Variants in DOCK11 observed in about 807,000 individuals in gnomAD.
DOCK11 encodes dedicator of cytokinesis 11.
A neutral mutation model predicts 169.1 loss-of-function variants in DOCK11; 70 were observed. The observed-to-expected ratio is 0.41, with a 90% confidence interval of 0.34 to 0.51. DOCK11 has a LOEUF of 0.51. Among genes scored for constraint, DOCK11 ranks in the 20% least tolerant of loss-of-function variants. The pLI is 0.10. For missense variants in DOCK11, 1,166 were observed against 1,538.8 expected (o/e 0.76, Z 4.05); for synonymous variants, 529 against 541.3 (o/e 0.98, Z 0.32).
chrX:118,497,685 T>C (rs930956308), intron 1 of DOCK11, among the ~76,000 whole-genome samples: 2 of 111,893 alleles, frequency 1.8e-5, no homozygotes, highest in African/African-American at 6.5e-5. Flanking sequence ...TGGGTGATTG[T>C]TAACACGTGA....
At chrX:118,524,488 C>T (rs1190172647) in intron 1 of DOCK11, among the ~76,000 whole-genome samples, 1 of 111,467 alleles carries the variant, frequency 9.0e-6, no homozygotes, top group Non-Finnish European at 1.9e-5. Context: ...AAGCATATAT[C>T]TGATAAGAGA....
intron 3 of DOCK11, 131 bp from the exon 4 acceptor site, chrX:118,543,380 A>T: frequency 2.0e-6 from 1 of 488,081 alleles, no homozygotes. Flanking sequence ...TTAACCCATA[A>T]AGGAAGATCC....
chrX:118,608,211 TTTTG>T lies in DOCK11; in HGVS notation c.2752-12_2752-9del. On this transcript the variant is annotated splice_polypyrimidine_tract_variant and intron_variant, in intron 25 of 52. Transcript: ENST00000276202. ...CAATTTTGTCTTACAGTTCATTTTT[TTTTG>T]TTTGTTTATTTGTAGTATAGCTTCC... 3.4e-6 allele frequency: 4 copies of T among 1,192,176 alleles called. No homozygotes were observed. The highest frequency in any genetic ancestry group is 4.5e-6 in the Non-Finnish European group (4 of 888,093).
intron 10 of DOCK11, 41 bp downstream of exon 10, chrX:118,568,203 CT>C (rs1468278093): frequency 1.2e-6 from 1 of 822,520 alleles, no homozygotes; most frequent in Non-Finnish European, 1.7e-6. Context: ...AGAATTATTG[CT>C]TATTCAGATA....
rs750379762 is a variant in DOCK11, at chrX:118,538,753, A to G, written c.103-3972A>G. 1.4e-4 allele frequency: 78 copies of G among 544,778 alleles called. No individual in the cohort carries two copies. The Admixed American group carries it at 4.5e-3, about 31-fold the overall frequency. 44.9% of individuals were successfully genotyped at this position (544,778 alleles called of 1,213,427 possible). On this transcript the variant is annotated intron_variant, in intron 1 of 52. Coordinates refer to ENST00000276202, the MANE Select transcript of DOCK11 (RefSeq NM_144658.4). Reference sequence around the variant, plus strand: ...TATGAAAAAGCACCTTTGCAGGCCAATCAGTGCACACTGGCAGAAAGGATA... The same window carrying G: ...TATGAAAAAGCACCTTTGCAGGCCAGTCAGTGCACACTGGCAGAAAGGATA...
At chrX:118,498,172 G>A (rs148947843) in intron 1 of DOCK11, among the ~76,000 whole-genome samples, 5,543 of 112,240 alleles carry the variant, frequency 0.049, 138 homozygotes, top group Non-Finnish European at 0.072. Context: ...TTGGGAGTGA[G>A]GGAGAACAGA....
intron 1 of DOCK11, among the ~76,000 whole-genome samples, chrX:118,525,208 C>T (rs2011346791): frequency 9.0e-6 from 1 of 110,843 alleles, no homozygotes; most frequent in Admixed American, 9.7e-5. Context: ...GGGAAATTCT[C>T]CCCAAAAGAA....
At chrX:118,546,755 C>T (rs1333024702) in intron 6 of DOCK11, among the ~76,000 whole-genome samples, 3 of 110,992 alleles carry the variant, frequency 2.7e-5, no homozygotes, top group Non-Finnish European at 3.8e-5. Context: ...TTTGGGAGGC[C>T]GAGGTGGGTG....
chrX:118,522,430 C>T (rs1343847843), intron 1 of DOCK11, among the ~76,000 whole-genome samples: 1 of 112,005 alleles, frequency 8.9e-6, no homozygotes, highest in Non-Finnish European at 1.9e-5. Flanking sequence ...CTTAAAATAA[C>T]ACACTTATTA....
intron 45 of DOCK11, among the ~76,000 whole-genome samples, chrX:118,665,115 G>A (rs2016309287): frequency 8.9e-6 from 1 of 111,836 alleles, no homozygotes; most frequent in African/African-American, 3.2e-5. Context: ...CACAATACAT[G>A]CGAAAACTTA....
chrX:118,597,453 G>A lies in DOCK11; in HGVS notation c.2286G>A (p.Leu762=), dbSNP rs750608342. The A allele has an allele frequency of 1.7e-6, 2 of 1,211,281 alleles. No homozygotes were observed. The highest frequency in any genetic ancestry group is 5.9e-5 in the East Asian group (2 of 33,858). The part of the protein sequence containing the change: ...ETPVGFAWVP[L]LKDGRIITFE... ...CAGTTGGGTTTGCCTGGGTACCTTTGCTGAAAGATGGTAGAATCATCACAT... is the reference window on the plus strand; with the variant it reads ...CAGTTGGGTTTGCCTGGGTACCTTTACTGAAAGATGGTAGAATCATCACAT... Residue 762 remains leucine (L), a synonymous_variant, in exon 21 of 53, where the codon TTG becomes TTA. Coordinates refer to ENST00000276202, the MANE Select transcript of DOCK11 (RefSeq NM_144658.4).
rs763201262 is a variant in DOCK11, at chrX:118,564,984, G to T, written c.694-1021G>T. Among the ~76,000 whole-genome samples, 17 of 110,066 alleles carry T rather than the reference G, an allele frequency of 1.5e-4. 1 individual carries two copies. In the South Asian group the frequency reaches 6.7e-3, roughly 44 times the overall value. Reference sequence around the variant, plus strand: ...AGGATCTCACTGTGTCGCCCCGGCTGGAGTGTAGTAGTACCATCTTGGCTC... The same window carrying T: ...AGGATCTCACTGTGTCGCCCCGGCTTGAGTGTAGTAGTACCATCTTGGCTC... On this transcript the variant is annotated intron_variant, in intron 7 of 52. Transcript: ENST00000276202.
chrX:118,565,087 C>T (rs2013037951), intron 7 of DOCK11, among the ~76,000 whole-genome samples: 1 of 100,972 alleles, frequency 9.9e-6, no homozygotes, highest in African/African-American at 3.5e-5. Flanking sequence ...AGCCATGCGC[C>T]ATCACGCCTG....
chrX:118,563,768 G>A, intron 7 of DOCK11, among the ~76,000 whole-genome samples: 1 of 104,520 alleles, frequency 9.6e-6, no homozygotes, highest in African/African-American at 3.5e-5. Context: ...GGAGTGCAGT[G>A]GCGCAATCTC....
At chrX:118,677,520 T>G (rs2016638604) in intron 48 of DOCK11, among the ~76,000 whole-genome samples, 1 of 112,197 alleles carries the variant, frequency 8.9e-6, no homozygotes, top group Non-Finnish European at 1.9e-5. Flanking sequence ...ACAGTGATAT[T>G]TACTGAGTGA....
At chrX:118,512,851 G>C (rs2057658533) in intron 1 of DOCK11, among the ~76,000 whole-genome samples, 1 of 111,983 alleles carries the variant, frequency 8.9e-6, no homozygotes, top group Non-Finnish European at 1.9e-5. Context: ...GGTGGCCATA[G>C]AGGCTGCCAC....
Position 118,495,950 on chromosome X carries a change from A to C in DOCK11, c.-22A>C, listed in dbSNP as rs755700391. ...CCCGCCGAGGTCCGCCCGCCCGCCGAGACCCGCCCGCCGCCGCTGCCATGG... is the reference window on the plus strand; with the variant it reads ...CCCGCCGAGGTCCGCCCGCCCGCCGCGACCCGCCCGCCGCCGCTGCCATGG... On this transcript the variant is annotated 5_prime_UTR_variant, in exon 1 of 53. Transcript: ENST00000276202. 5.8e-6 allele frequency: 6 copies of C among 1,034,642 alleles called. No individual in the cohort carries two copies. The South Asian group carries it at 8.9e-5, about 15-fold the overall frequency. 85.3% of individuals were successfully genotyped at this position (1,034,642 alleles called of 1,213,427 possible).
Position 118,580,085 on chromosome X carries a change from T to G in DOCK11, c.1513-12T>G. The G allele has an allele frequency of 8.3e-7, 1 of 1,203,631 alleles. No individual in the cohort carries two copies. Reference sequence around the variant, plus strand: ...AACAAATACAAGCCTATCTTCTTGTTTCTGACCTTAGACGGCCCAGAAGGT... The same window carrying G: ...AACAAATACAAGCCTATCTTCTTGTGTCTGACCTTAGACGGCCCAGAAGGT... On this transcript the variant is annotated splice_polypyrimidine_tract_variant and intron_variant, in intron 13 of 52. Transcript: ENST00000276202.
intron 14 of DOCK11, among the ~76,000 whole-genome samples, chrX:118,582,571 T>C (rs1211524329): frequency 8.9e-6 from 1 of 111,905 alleles, no homozygotes; most frequent in African/African-American, 3.3e-5. Context: ...TTAAAAGATA[T>C]ATGATAAACC....
Sources: allele counts gnomAD v4.1 joint callset (sites outside exome capture counted in the v4.1 genomes callset), GRCh38; gene constraint gnomAD v4.1.1; transcripts MANE v1.5; gene names NCBI Gene and HGNC (gene_info 2026-07-23, HGNC 2026-07-21).